DHRSX: variants seen among roughly 807,000 people sequenced by gnomAD.
The protein encoded by DHRSX is polyprenol dehydrogenase.
In DHRSX, 31 loss-of-function variants were observed where a neutral mutation model predicts 34.0. The ratio of observed to expected loss-of-function variants is 0.91; its 90% CI spans 0.69 to 1.23. DHRSX has a LOEUF of 1.23. DHRSX is among the 50% of genes most tolerant of loss of function. The probability of loss-of-function intolerance (pLI) is 0.00; values close to 1 mark genes in which losing one functional copy is unlikely to be tolerated. For missense variants in DHRSX, 414 were observed against 428.1 expected, an observed-to-expected ratio of 0.97 and a Z score of 0.29; for synonymous variants, 201 against 183.8, an observed-to-expected ratio of 1.09 and a Z score of -0.76.
At chrX:2,452,555 GACC>G (rs747177346) in intron 1 of DHRSX, among the ~76,000 whole-genome samples, 11 of 150,296 alleles carry the variant, frequency 7.3e-5, no homozygotes, top group African/African-American at 2.2e-4. Context: ...GTGGCCAAGA[GACC>G]ACCATGTACA....
chrX:2,243,310 G>GCGGCCA, intron 5 of DHRSX, 80 bp from the exon 6 acceptor site: 1 of 1,292,214 alleles, frequency 7.7e-7, no homozygotes, highest in Non-Finnish European at 1.1e-6. Flanking sequence ...ATCTGTACCT[G>GCGGCCA]CGGCCACGGC....
At chrX:2,325,118 A>G (rs764248558) in intron 3 of DHRSX, among the ~76,000 whole-genome samples, 1 of 152,106 alleles carries the variant, frequency 6.6e-6, no homozygotes, top group Non-Finnish European at 1.5e-5. Context: ...TTTTCTAACA[A>G]TGAACAGCCT....
At chrX:2,489,086 TTGA>T in intron 1 of DHRSX, 1 of 1,613,864 alleles carries the variant, frequency 6.2e-7, no homozygotes, top group Middle Eastern at 1.7e-4. Flanking sequence ...CAGCATGTTG[TTGA>T]TGACGCTGGC....
At chrX:2,246,580 G>A (rs1354891762) in intron 5 of DHRSX, among the ~76,000 whole-genome samples, 2 of 150,576 alleles carry the variant, frequency 1.3e-5, no homozygotes, top group South Asian at 2.1e-4. Context: ...ACGAGATCAC[G>A]CCATTGTACT....
At chrX:2,476,832 G>C (rs1306172748) in intron 1 of DHRSX, among the ~76,000 whole-genome samples, 2 of 151,892 alleles carry the variant, frequency 1.3e-5, no homozygotes, top group African/African-American at 4.8e-5. Context: ...GGAAAAACCC[G>C]TCTCTACTAA....
intron 1 of DHRSX, among the ~76,000 whole-genome samples, chrX:2,467,160 G>A (rs774494534): frequency 1.3e-5 from 2 of 151,850 alleles, no homozygotes; most frequent in East Asian, 3.9e-4. Context: ...TTAGGGTAGT[G>A]TCTTAGGAAA....
rs1250148707 is a variant in DHRSX at position 2,243,206 on chromosome X, G to C, written c.621C>G (p.Ala207=). 3 of 1,613,848 alleles carry C rather than the reference G, an allele frequency of 1.9e-6. No individual in the cohort carries two copies. The highest frequency in any genetic ancestry group is 2.5e-6 in the Non-Finnish European group (3 of 1,179,864). Residue 207 remains alanine (A), a synonymous_variant, in exon 6 of 7, where the codon GCC becomes GCG. Coordinates refer to ENST00000334651, the MANE Select transcript of DHRSX (RefSeq NM_145177.3). ...QSSACYSPHA[A]YAQSKLALVL... ...CAAGGGCCAGCTTGCTCTGGGCGTA[G>C]GCTGCGTGGGGTGAGTAGCAGGCAC...
At chrX:2,416,644 C>G (rs1187794077) in intron 2 of DHRSX, among the ~76,000 whole-genome samples, 1 of 152,002 alleles carries the variant, frequency 6.6e-6, no homozygotes, top group Non-Finnish European at 1.5e-5. Flanking sequence ...AAAGTTTACC[C>G]ACCCCACTTT....
At chrX:2,455,851 T>A (rs1400568548) in intron 1 of DHRSX, among the ~76,000 whole-genome samples, 1 of 151,876 alleles carries the variant, frequency 6.6e-6, no homozygotes, top group Non-Finnish European at 1.5e-5. Flanking sequence ...TAGATTAGTG[T>A]CTTAGGAAAT....
intron 3 of DHRSX, among the ~76,000 whole-genome samples, chrX:2,361,056 G>C (rs543363027): frequency 7.9e-5 from 12 of 152,184 alleles, no homozygotes; most frequent in African/African-American, 2.6e-4. Flanking sequence ...TGGAGCGTTG[G>C]CTTTGGTTAG....
intron 3 of DHRSX, among the ~76,000 whole-genome samples, chrX:2,402,925 C>T (rs774654974): frequency 2.1e-5 from 3 of 143,764 alleles, no homozygotes; most frequent in African/African-American, 8.0e-5. Context: ...CTCTGTAGTC[C>T]AGGTTGGAGT....
chrX:2,455,842 A>G (rs1162068092), intron 1 of DHRSX, among the ~76,000 whole-genome samples: 5 of 151,602 alleles, frequency 3.3e-5, no homozygotes, highest in African/African-American at 9.7e-5. Context: ...TTAAAATGTT[A>G]GATTAGTGTC....
At chrX:2,268,437 T>C (rs1356122013) in intron 4 of DHRSX, among the ~76,000 whole-genome samples, 4 of 152,250 alleles carry the variant, frequency 2.6e-5, no homozygotes, top group Non-Finnish European at 4.4e-5. Context: ...CGTCTATTCA[T>C]ATACATATAT....
intron 3 of DHRSX, among the ~76,000 whole-genome samples, chrX:2,324,846 G>GCAAC (rs1384181982): frequency 6.9e-6 from 1 of 144,514 alleles, no homozygotes; most frequent in Non-Finnish European, 1.5e-5. Context: ...TTCGCTCATT[G>GCAAC]CAACCTCCGC....
At chrX:2,271,112 G>A (rs2041547853) in intron 4 of DHRSX, among the ~76,000 whole-genome samples, 1 of 152,096 alleles carries the variant, frequency 6.6e-6, no homozygotes, top group South Asian at 2.1e-4. Context: ...CACTCTTTGG[G>A]TCTACACTAC....
At chrX:2,353,060 G>A (rs963343499) in intron 3 of DHRSX, among the ~76,000 whole-genome samples, 3 of 152,008 alleles carry the variant, frequency 2.0e-5, no homozygotes, top group African/African-American at 7.3e-5. Flanking sequence ...TGGGACAAAT[G>A]GCAAAACCTC....
At chrX:2,223,313 T>C (rs920751143) in intron 6 of DHRSX, among the ~76,000 whole-genome samples, 3 of 152,202 alleles carry the variant, frequency 2.0e-5, no homozygotes, top group African/African-American at 4.8e-5. Context: ...CCTGCTGCCA[T>C]GTAAGACATG....
chrX:2,469,740 C>T (rs1469722832), intron 1 of DHRSX, among the ~76,000 whole-genome samples: 1 of 151,776 alleles, frequency 6.6e-6, no homozygotes, highest in Non-Finnish European at 1.5e-5. Context: ...AAGCATATAG[C>T]CAAGGGACCG....
At chrX:2,276,803 GAAAGAGAGAC>G (rs1401691297) in intron 4 of DHRSX, among the ~76,000 whole-genome samples, 2 of 148,068 alleles carry the variant, frequency 1.4e-5, no homozygotes, top group African/African-American at 5.1e-5. Flanking sequence ...GAAATAGGGA[GAAAGAGAGAC>G]AAAGAGAGAT....
Sources: gnomAD v4.1 joint callset for allele counts (sites outside exome capture counted in the v4.1 genomes callset) on GRCh38, gnomAD v4.1.1 for gene constraint, MANE v1.5 for transcripts, NCBI Gene and HGNC (gene_info 2026-07-23, HGNC 2026-07-21) for gene names.